DEPTOR: variants seen among roughly 807,000 people sequenced by gnomAD.
DEPTOR encodes the protein DEP domain-containing mTOR-interacting protein.
Under a neutral mutation model 41.6 loss-of-function variants are expected in DEPTOR, and 41 were observed. The ratio of observed to expected loss-of-function variants is 0.98; its 90% CI spans 0.77 to 1.28. The LOEUF is 1.28. DEPTOR is among the 50% of genes most tolerant of loss of function. The pLI, the probability that DEPTOR is intolerant of heterozygous loss-of-function variation, is 0.00. For synonymous variants in DEPTOR, 195 were observed against 192.3 expected (o/e 1.01, Z -0.12); for missense variants, 514 against 527.9 (o/e 0.97, Z 0.26).
intron 8 of DEPTOR, among the ~76,000 whole-genome samples, chr8:120,026,645 G>A (rs1036052329): frequency 6.6e-6 from 1 of 151,950 alleles, no homozygotes; most frequent in East Asian, 1.9e-4. Context: ...ACCCCGCCAA[G>A]CATCCTAATT....
At chr8:120,039,453 C>T (rs1456554648) in intron 8 of DEPTOR, among the ~76,000 whole-genome samples, 2 of 152,170 alleles carry the variant, frequency 1.3e-5, no homozygotes, top group Non-Finnish European at 2.9e-5. Flanking sequence ...GAAGATAGTG[C>T]TTTATCTAAA....
intron 3 of DEPTOR, among the ~76,000 whole-genome samples, chr8:119,964,515 CAAAAAAAAAAAAAAAAAA>C (rs536731714): frequency 1.5e-4 from 18 of 121,670 alleles, no homozygotes; most frequent in East Asian, 2.7e-4. Flanking sequence ...AAGCCCGTCT[CAAAAAAAAAAAAAAAAAA>C]AAAAAAAAAA....
chr8:119,991,074 C>A (rs1812158269), intron 4 of DEPTOR, among the ~76,000 whole-genome samples: 1 of 72,198 alleles, frequency 1.4e-5, no homozygotes, highest in Non-Finnish European at 2.9e-5. Flanking sequence ...TTCTTTCTTT[C>A]TTTCTTTCTT....
intron 1 of DEPTOR, among the ~76,000 whole-genome samples, chr8:119,905,023 GT>G (rs1311882966): frequency 7.4e-6 from 1 of 135,878 alleles, no homozygotes; most frequent in Non-Finnish European, 1.5e-5. Flanking sequence ...GCCTAGGCTG[GT>G]TTTTAACTTT....
chr8:119,920,503 A>G (rs1827876066), intron 1 of DEPTOR, among the ~76,000 whole-genome samples: 1 of 152,212 alleles, frequency 6.6e-6, no homozygotes. Context: ...ACCCTTGAAG[A>G]TAAGTCAAAT....
chr8:119,990,736 T>A (rs1288284800), intron 4 of DEPTOR, among the ~76,000 whole-genome samples: 4 of 152,248 alleles, frequency 2.6e-5, no homozygotes, highest in Admixed American at 2.6e-4. Flanking sequence ...AATAGGACTT[T>A]ATGTCCTACA....
intron 3 of DEPTOR, among the ~76,000 whole-genome samples, chr8:119,963,938 G>A (rs890940576): frequency 9.9e-5 from 15 of 152,188 alleles, no homozygotes; most frequent in Non-Finnish European, 2.2e-4. Flanking sequence ...ATTTGTTTGG[G>A]AGGTCCAAGA....
chr8:120,031,841 C>T (rs955814964), intron 8 of DEPTOR, among the ~76,000 whole-genome samples: 3 of 152,132 alleles, frequency 2.0e-5, no homozygotes, highest in African/African-American at 7.2e-5. Flanking sequence ...TGCCTCCTTT[C>T]AATTCCCACT....
rs911246194 is a variant in DEPTOR, at chr8:120,003,224, G to C, written c.925+113G>C. 14 of 1,511,132 alleles carry C rather than the reference G, an allele frequency of 9.3e-6. No individual in the cohort carries two copies. In the African/African-American group the frequency reaches 1.9e-4, roughly 21 times the overall value. 93.6% of individuals were successfully genotyped at this position (1,511,132 alleles called of 1,614,324 possible). A position where few individuals can be genotyped will look rare whatever the true frequency, so the allele number is the denominator to read the frequency against. On this transcript the variant is annotated intron_variant, in intron 6 of 8. Transcript: ENST00000286234. ...AGTGTGTGGGTTCTAATAAGTTAGA[G>C]CATGCTCTTGGGGTCCACACGTGTT... is the stretch of plus-strand genomic sequence containing the variant.
At chr8:119,964,515 CAAAAAAAAAAAAAAA>C (rs536731714) in intron 3 of DEPTOR, among the ~76,000 whole-genome samples, 1,546 of 121,722 alleles carry the variant, frequency 0.013, 45 homozygotes, top group African/African-American at 0.028. Context: ...AAGCCCGTCT[CAAAAAAAAAAAAAAA>C]AAAAAAAAAA....
intron 4 of DEPTOR, among the ~76,000 whole-genome samples, chr8:119,976,904 G>A (rs1190174500): frequency 6.6e-6 from 1 of 152,102 alleles, no homozygotes; most frequent in Non-Finnish European, 1.5e-5. Flanking sequence ...GTTTCCACAG[G>A]AAAATGAGTG....
At chr8:119,917,139 C>T (rs879024905) in intron 1 of DEPTOR, among the ~76,000 whole-genome samples, 4 of 152,036 alleles carry the variant, frequency 2.6e-5, no homozygotes, top group South Asian at 2.1e-4. Context: ...TATCCTGTTT[C>T]GTCTTCAAAG....
intron 4 of DEPTOR, among the ~76,000 whole-genome samples, chr8:119,993,606 A>G (rs1261411748): frequency 6.6e-6 from 1 of 152,200 alleles, no homozygotes; most frequent in African/African-American, 2.4e-5. Context: ...GCAAAAAATG[A>G]AATTTATCAA....
intron 1 of DEPTOR, among the ~76,000 whole-genome samples, chr8:119,883,020 G>C (rs1478255327): frequency 1.3e-5 from 2 of 152,136 alleles, no homozygotes. Flanking sequence ...AGAGGATTTA[G>C]TGGGACAGAT....
intron 8 of DEPTOR, among the ~76,000 whole-genome samples, chr8:120,040,955 CT>C (rs555952968): frequency 2.0e-5 from 3 of 152,180 alleles, no homozygotes; most frequent in Non-Finnish European, 4.4e-5. Context: ...CAGATCTCAG[CT>C]CTCCCTGGTC....
chr8:119,891,175 T>A (rs1827447738), intron 1 of DEPTOR: 1 of 151,984 alleles, frequency 6.6e-6, no homozygotes, highest in African/African-American at 2.4e-5. Context: ...CTGTCCCTGC[T>A]TAGCTTCCGA....
At chr8:119,919,420 AC>A (rs1313426543) in intron 1 of DEPTOR, among the ~76,000 whole-genome samples, 23 of 152,182 alleles carry the variant, frequency 1.5e-4, no homozygotes, top group Admixed American at 1.3e-3. Context: ...GAGAAAAGAG[AC>A]TTTTAATTTC....
intron 8 of DEPTOR, among the ~76,000 whole-genome samples, chr8:120,015,671 C>T (rs1268935137): frequency 1.3e-5 from 2 of 151,942 alleles, no homozygotes; most frequent in Non-Finnish European, 2.9e-5. Context: ...GGGAGGAGGC[C>T]GAAGATAGAT....
chr8:119,976,800 C>G (rs1828701057), intron 4 of DEPTOR, among the ~76,000 whole-genome samples: 2 of 152,044 alleles, frequency 1.3e-5, no homozygotes, highest in Non-Finnish European at 2.9e-5. Flanking sequence ...GGTGGGGACC[C>G]TTTGACTGAC....
Sources: gnomAD v4.1 joint callset for allele counts (sites outside exome capture counted in the v4.1 genomes callset) on GRCh38, gnomAD v4.1.1 for gene constraint, MANE v1.5 for transcripts, NCBI Gene and HGNC (gene_info 2026-07-23, HGNC 2026-07-21) for gene names.